The following MAN2A1 variants were observed in gnomAD, a reference collection of about 807,000 sequenced individuals.
MAN2A1 encodes alpha-mannosidase 2.
In MAN2A1, 76 loss-of-function variants were observed where a neutral mutation model predicts 142.6. The ratio of observed to expected loss-of-function variants is 0.53; its 90% CI spans 0.44 to 0.65. The LOEUF (loss-of-function observed/expected upper bound fraction) is 0.65, where lower values mean the gene tolerates loss of function less well. Ranked by LOEUF, MAN2A1 falls within the 30% of genes least tolerant of loss-of-function variation. The pLI is 0.00. For missense variants in MAN2A1, 1,311 were observed against 1,365.1 expected, an observed-to-expected ratio of 0.96 and a Z score of 0.62; for synonymous variants, 559 against 473.2, an observed-to-expected ratio of 1.18 and a Z score of -2.35.
At chr5:109,717,093 G>A (rs1751477553) in intron 3 of MAN2A1, among the ~76,000 whole-genome samples, 1 of 151,826 alleles carries the variant, frequency 6.6e-6, no homozygotes, top group African/African-American at 2.4e-5. Flanking sequence ...TGGAGAGGGG[G>A]GTGTATTTCC....
At chr5:109,758,891 A>G (rs1214163570) in intron 5 of MAN2A1, among the ~76,000 whole-genome samples, 6 of 151,992 alleles carry the variant, frequency 3.9e-5, no homozygotes, top group African/African-American at 1.4e-4. Flanking sequence ...ACTTGTTAAC[A>G]GTTAGTTAAC....
intron 3 of MAN2A1, among the ~76,000 whole-genome samples, chr5:109,717,266 T>G (rs190453275): frequency 2.0e-5 from 3 of 152,314 alleles, no homozygotes; most frequent in African/African-American, 7.2e-5. Flanking sequence ...TTGGCAGATA[T>G]TCCTATTTTT....
chr5:109,808,346 T>G (rs1260815760), intron 12 of MAN2A1, among the ~76,000 whole-genome samples: 1 of 152,220 alleles, frequency 6.6e-6, no homozygotes, highest in Admixed American at 6.5e-5. Flanking sequence ...GCATATTCAC[T>G]GATAACCCTA....
At chr5:109,717,651 G>A (rs1439062388) in intron 3 of MAN2A1, among the ~76,000 whole-genome samples, 1 of 152,096 alleles carries the variant, frequency 6.6e-6, no homozygotes, top group Non-Finnish European at 1.5e-5. Context: ...ACTCAGGGAA[G>A]GCTGGGCATC....
In MAN2A1 at chr5:109,696,387, C is replaced by T. The variant is rs192219684; in HGVS notation, c.135+5835C>T. ...ATGTTGGGATTACAGGCGTGAGCCTCTGCGCCTGGTTGGTATCTCTTAAAT... is the reference window on the plus strand; with the variant it reads ...ATGTTGGGATTACAGGCGTGAGCCTTTGCGCCTGGTTGGTATCTCTTAAAT... On this transcript the variant is annotated intron_variant, in intron 1 of 21. Transcript: ENST00000261483. Among the ~76,000 whole-genome samples the T allele has an allele frequency of 1.5e-3, 227 of 152,352 alleles. 1 individual carries two copies. The highest frequency in any genetic ancestry group is 5.1e-3 in the African/African-American group (214 of 41,574).
At position 109,825,377 on chromosome 5, in the gene MAN2A1, A is replaced by G. The variant is rs538350197; in HGVS notation, c.2566+1540A>G. 4.6e-5 allele frequency among the ~76,000 whole-genome samples: 7 copies of G among 152,326 alleles called. No homozygotes were observed. In the South Asian group the frequency reaches 1.0e-3, roughly 23 times the overall value. On this transcript the variant is annotated intron_variant, in intron 16 of 21. Transcript: ENST00000261483. The stretch of plus-strand genomic sequence containing the variant: ...CAGGTTTGATTTACCATTGTTTTTC[A>G]TCAGTTATATTTAGAGATGGGCTAT...
chr5:109,697,753 C>A (rs1180767644), intron 1 of MAN2A1, among the ~76,000 whole-genome samples: 2 of 152,160 alleles, frequency 1.3e-5, no homozygotes, highest in Non-Finnish European at 2.9e-5. Context: ...CTATATTTCT[C>A]TATTGTTAAT....
intron 4 of MAN2A1, among the ~76,000 whole-genome samples, chr5:109,736,268 C>G (rs1752095668): frequency 6.6e-6 from 1 of 152,162 alleles, no homozygotes; most frequent in South Asian, 2.1e-4. Flanking sequence ...TTTAGATACA[C>G]TAGTTTGCAA....
At chr5:109,826,230 C>T (rs1467537696) in intron 16 of MAN2A1, among the ~76,000 whole-genome samples, 1 of 151,746 alleles carries the variant, frequency 6.6e-6, no homozygotes, top group South Asian at 2.1e-4. Context: ...CATGTGTTTC[C>T]TTTCTAGATT....
At chr5:109,748,316 C>A (rs558681079) in intron 4 of MAN2A1, among the ~76,000 whole-genome samples, 14 of 151,542 alleles carry the variant, frequency 9.2e-5, no homozygotes, top group African/African-American at 3.4e-4. Context: ...GAAGTTTTAA[C>A]TTGCATTTCC....
chr5:109,729,826 C>G (rs1751851072), intron 4 of MAN2A1, among the ~76,000 whole-genome samples: 2 of 152,068 alleles, frequency 1.3e-5, no homozygotes, highest in African/African-American at 2.4e-5. Flanking sequence ...AACCTTGTCT[C>G]TACTAAAAAT....
At chr5:109,705,008 A>G (rs1751090602) in intron 1 of MAN2A1, among the ~76,000 whole-genome samples, 1 of 152,128 alleles carries the variant, frequency 6.6e-6, no homozygotes, top group South Asian at 2.1e-4. Flanking sequence ...TCAGCTATCT[A>G]ATAGTTTCAG....
intron 19 of MAN2A1, among the ~76,000 whole-genome samples, chr5:109,851,717 CT>C (rs1424664011): frequency 3.3e-5 from 5 of 152,058 alleles, no homozygotes; most frequent in African/African-American, 1.2e-4. Flanking sequence ...GGATTTGTTT[CT>C]TTGACGGTTT....
intron 8 of MAN2A1, among the ~76,000 whole-genome samples, chr5:109,779,584 A>AC (rs1293213572): frequency 0.029 from 1,480 of 50,446 alleles, 22 homozygotes; most frequent in South Asian, 0.13. Flanking sequence ...CACACACACA[A>AC]ACACACACAG....
At chr5:109,823,917 T>C (rs1260297920) in intron 16 of MAN2A1, 80 bp downstream of exon 16, 1 of 643,400 alleles carries the variant, frequency 1.6e-6, no homozygotes, top group African/African-American at 1.9e-5. Context: ...ATTCTTAAAT[T>C]AACAGTTGGT....
chr5:109,825,882 T>C (rs1293113443), intron 16 of MAN2A1, among the ~76,000 whole-genome samples: 4 of 150,816 alleles, frequency 2.7e-5, no homozygotes, highest in Non-Finnish European at 5.9e-5. Flanking sequence ...TCTTTAGTTT[T>C]CTTTCTTTCT....
rs147818503 is a variant in MAN2A1, at chr5:109,818,699, T to C, written c.2110-970T>C. Among the ~76,000 whole-genome samples the C allele has an allele frequency of 3.3e-5, 5 of 152,332 alleles. No homozygotes were observed. The East Asian group carries it at 9.6e-4, about 29-fold the overall frequency. ...CATTGTTGTAAAGCCCTTACATTCA[T>C]GGAAAATTTCCTTCTCTAGGCATTC... On this transcript the variant is annotated intron_variant, in intron 13 of 21. Coordinates refer to ENST00000261483, the MANE Select transcript of MAN2A1 (RefSeq NM_002372.4).
chr5:109,731,523 C>T (rs1298495987), intron 4 of MAN2A1, among the ~76,000 whole-genome samples: 1 of 112,682 alleles, frequency 8.9e-6, no homozygotes, highest in Admixed American at 9.9e-5. Flanking sequence ...CCCCCAACCC[C>T]ACAACAGTCC....
intron 12 of MAN2A1, among the ~76,000 whole-genome samples, chr5:109,811,406 T>G (rs1165282571): frequency 6.6e-6 from 1 of 152,204 alleles, no homozygotes; most frequent in East Asian, 1.9e-4. Context: ...TGCTTTTGCA[T>G]TATTTTAGTT....
Sources: gnomAD v4.1 joint callset for allele counts (sites outside exome capture counted in the v4.1 genomes callset) on GRCh38, gnomAD v4.1.1 for gene constraint, MANE v1.5 for transcripts, NCBI Gene and HGNC (gene_info 2026-07-23, HGNC 2026-07-21) for gene names.